Variants in FBLN5 observed in about 807,000 individuals in gnomAD.
FBLN5 encodes the protein fibulin 5.
A neutral mutation model predicts 61.6 loss-of-function variants in FBLN5; 24 were observed. The observed-to-expected ratio is 0.39, with a 90% CI of 0.28 to 0.55. The LOEUF (loss-of-function observed/expected upper bound fraction) is 0.55, where lower values mean the gene tolerates loss of function less well. Among genes scored for constraint, FBLN5 ranks in the 20% least tolerant of loss-of-function variants. The probability of loss-of-function intolerance (pLI) is 0.65; values close to 1 mark genes in which losing one functional copy is unlikely to be tolerated. For missense variants in FBLN5, 470 were observed against 594.1 expected, an observed-to-expected ratio of 0.79 and a Z score of 2.17; for synonymous variants, 213 against 219.8, an observed-to-expected ratio of 0.97 and a Z score of 0.27.
chr14:91,888,608 CAAA>C (rs34117518), intron 6 of FBLN5, among the ~76,000 whole-genome samples: 1 of 113,724 alleles, frequency 8.8e-6, no homozygotes, highest in Admixed American at 9.9e-5. Flanking sequence ...GACTCTGTCT[CAAA>C]AAAAAAAAAA....
chr14:91,896,010 A>G (rs1488622548), intron 4 of FBLN5, among the ~76,000 whole-genome samples: 1 of 152,078 alleles, frequency 6.6e-6, no homozygotes, highest in Non-Finnish European at 1.5e-5. Flanking sequence ...TGGTGGCATG[A>G]AGATACTTGC....
At chr14:91,880,181 C>T (rs1460920975) in intron 9 of FBLN5, among the ~76,000 whole-genome samples, 1 of 151,954 alleles carries the variant, frequency 6.6e-6, no homozygotes, top group Admixed American at 6.6e-5. Flanking sequence ...CTCAACTGTC[C>T]AGCACCTCAA....
At position 91,947,205 on chromosome 14, in the gene FBLN5, G is replaced by T; in HGVS notation, c.17+8C>A. 1 of 1,614,208 alleles carries T rather than the reference G, an allele frequency of 6.2e-7. No individual in the cohort carries two copies. The highest frequency in any genetic ancestry group is 8.5e-7 in the Non-Finnish European group (1 of 1,180,024). On this transcript the variant is annotated splice_region_variant and intron_variant, in intron 1 of 10. Coordinates refer to ENST00000342058, the MANE Select transcript of FBLN5 (RefSeq NM_006329.4). The surrounding 1 kb of genome is among the most constrained non-coding windows in gnomAD (Gnocchi z 4.3). ...TGGAGAAAGAAAAGTCCAGCGCCGA[G>T]AACCCACCTTTTTATTCCTGGCATG...
chr14:91,942,488 G>C (rs1450611579), intron 2 of FBLN5, among the ~76,000 whole-genome samples: 1 of 152,244 alleles, frequency 6.6e-6, no homozygotes, highest in African/African-American at 2.4e-5. Context: ...GTTGAGGCCT[G>C]CTGTGAGGGG....
chr14:91,899,918 G>C (rs550632871), intron 4 of FBLN5, among the ~76,000 whole-genome samples: 1 of 152,116 alleles, frequency 6.6e-6, no homozygotes, highest in African/African-American at 2.4e-5. Context: ...CAACAATCTC[G>C]GGGACAACAA....
At chr14:91,923,117 T>C (rs1445149174) in intron 4 of FBLN5, among the ~76,000 whole-genome samples, 2 of 152,204 alleles carry the variant, frequency 1.3e-5, no homozygotes, top group African/African-American at 2.4e-5. Context: ...TGGTCAAGGC[T>C]GGAGGAAGCC....
chr14:91,887,392 C>T lies in FBLN5; in HGVS notation c.620-80G>A, dbSNP rs1043286493. 73 of 1,421,426 alleles carry T rather than the reference C, an allele frequency of 5.1e-5. No homozygotes were observed. The South Asian group carries it at 6.5e-4, about 13-fold the overall frequency. 88.1% of individuals were successfully genotyped at this position (1,421,426 alleles called of 1,614,324 possible). On this transcript the variant is annotated intron_variant, in intron 6 of 10. Transcript: ENST00000342058. ...AACTAGGCAGAAAAAGCACCAGCAA[C>T]GAAATCTACCACCACCAGGAGACCA...
chr14:91,883,657 C>CAAAAAAAAAAAAAAAAAAAAAAAA (rs58378742), intron 7 of FBLN5, among the ~76,000 whole-genome samples: 1 of 129,310 alleles, frequency 7.7e-6, no homozygotes, highest in Non-Finnish European at 1.6e-5. Flanking sequence ...AAAAAAAAAA[C>CAAAAAAAAAAAAAAAAAAAAAAAA]AAAAAAAACA....
intron 10 of FBLN5, 86 bp downstream of exon 10, chr14:91,877,401 T>C: frequency 8.8e-7 from 1 of 1,137,998 alleles, no homozygotes; most frequent in Non-Finnish European, 1.3e-6. Context: ...GCCCCACTCT[T>C]ACCTGCTTGC....
chr14:91,946,605 C>T (rs538287055), intron 1 of FBLN5: 7 of 880,270 alleles, frequency 8.0e-6, no homozygotes, highest in East Asian at 5.3e-5. Flanking sequence ...TTCAAGAGCT[C>T]GCTGAATAAA....
intron 4 of FBLN5, among the ~76,000 whole-genome samples, chr14:91,900,015 G>C (rs1890389330): frequency 6.6e-6 from 1 of 152,238 alleles, no homozygotes; most frequent in African/African-American, 2.4e-5. Context: ...AGTCCTTGGA[G>C]CAGGACTCTG....
At chr14:91,938,660 C>T (rs1566829536) in intron 3 of FBLN5, among the ~76,000 whole-genome samples, 1 of 152,090 alleles carries the variant, frequency 6.6e-6, no homozygotes, top group African/African-American at 2.4e-5. Context: ...AGGGTACAGA[C>T]AGGGGAGGCC....
intron 4 of FBLN5, 41 bp downstream of exon 4, chr14:91,936,906 C>T (rs988751279): frequency 6.2e-7 from 1 of 1,613,754 alleles, no homozygotes; most frequent in Non-Finnish European, 8.5e-7. Context: ...GATGTCTTCA[C>T]CAAAGCACAG....
At chr14:91,946,630 T>G in intron 1 of FBLN5, 23 of 1,126,332 alleles carry the variant, frequency 2.0e-5, no homozygotes, top group Non-Finnish European at 2.8e-5. Context: ...GTGGGTGTCA[T>G]TTAGGTAAAG....
intron 7 of FBLN5, among the ~76,000 whole-genome samples, chr14:91,885,591 A>G (rs547665552): frequency 1.3e-5 from 2 of 152,134 alleles, no homozygotes; most frequent in East Asian, 3.9e-4. Flanking sequence ...TGACCACTCT[A>G]TGAGGGTGGT....
At chr14:91,932,501 A>T (rs922984555) in intron 4 of FBLN5, among the ~76,000 whole-genome samples, 1 of 152,220 alleles carries the variant, frequency 6.6e-6, no homozygotes, top group African/African-American at 2.4e-5. Context: ...CTTCCTTGAA[A>T]GTGGGTCCAA....
At chr14:91,900,365 T>C (rs866430105) in intron 4 of FBLN5, among the ~76,000 whole-genome samples, 2 of 152,240 alleles carry the variant, frequency 1.3e-5, no homozygotes, top group Admixed American at 6.5e-5. Context: ...ACATATTATA[T>C]ACATATATGT....
At chr14:91,916,743 C>T (rs1188435358) in intron 4 of FBLN5, among the ~76,000 whole-genome samples, 1 of 152,152 alleles carries the variant, frequency 6.6e-6, no homozygotes, top group African/African-American at 2.4e-5. Context: ...TCACTGTGGG[C>T]TCAGAACAAA....
At chr14:91,919,547 C>T (rs944154636) in intron 4 of FBLN5, among the ~76,000 whole-genome samples, 1 of 152,052 alleles carries the variant, frequency 6.6e-6, no homozygotes, top group African/African-American at 2.4e-5. Flanking sequence ...GTCCTAACCC[C>T]CAGTACCTCA....
Sources: gnomAD v4.1 joint callset for allele counts (sites outside exome capture counted in the v4.1 genomes callset) on GRCh38, gnomAD v4.1.1 for gene constraint, Gnocchi (gnomAD v3.1) non-coding constraint, MANE v1.5 for transcripts, NCBI Gene and HGNC (gene_info 2026-07-23, HGNC 2026-07-21) for gene names.